RGL3: variants seen among roughly 807,000 people sequenced by gnomAD.
RGL3 encodes the protein ral guanine nucleotide dissociation stimulator-like 3.
In RGL3, 85 loss-of-function variants were observed where a neutral mutation model predicts 90.6. The observed-to-expected ratio is 0.94, with a 90% CI of 0.79 to 1.12. The LOEUF is 1.12. Among genes scored for constraint, RGL3 ranks in the 50% most tolerant of loss-of-function variants. RGL3 has a pLI of 0.00. For missense variants in RGL3, 1,034 were observed against 939.2 expected, an observed-to-expected ratio of 1.10 and a Z score of -1.32; for synonymous variants, 408 against 385.5, an observed-to-expected ratio of 1.06 and a Z score of -0.68.
chr19:11,417,731 A>G (rs1050373431), intron 2 of RGL3, among the ~76,000 whole-genome samples: 10 of 152,050 alleles, frequency 6.6e-5, no homozygotes, highest in African/African-American at 2.4e-4. Context: ...CGGCCTCCCA[A>G]AGTGCTGGGA....
intron 18 of RGL3, among the ~76,000 whole-genome samples, chr19:11,395,498 T>C (rs908587326): frequency 6.6e-6 from 1 of 152,180 alleles, no homozygotes; most frequent in Non-Finnish European, 1.5e-5. Context: ...AACTTAGTTC[T>C]CACAAATCTA....
At chr19:11,404,919 G>C (rs570740452) in intron 9 of RGL3, among the ~76,000 whole-genome samples, 4 of 152,146 alleles carry the variant, frequency 2.6e-5, no homozygotes, top group East Asian at 3.9e-4. Flanking sequence ...GTGACTTCTT[G>C]TGTTTTGCTG....
intron 11 of RGL3, 46 bp downstream of exon 11, chr19:11,402,409 G>C (rs549220029): frequency 2.3e-5 from 37 of 1,578,364 alleles, no homozygotes; most frequent in East Asian, 2.0e-4. Context: ...CATTGTGCTG[G>C]GGGCAAGTGG....
At chr19:11,402,799 G>T in intron 9 of RGL3, 93 bp from the exon 10 acceptor site, 2 of 1,108,250 alleles carry the variant, frequency 1.8e-6, no homozygotes, top group South Asian at 2.8e-5. Context: ...TACCCTTCAT[G>T]CTTTGAGTAA....
Position 11,405,380 on chromosome 19 carries a change from G to C in RGL3, c.1043C>G (p.Ser348Cys). ...RNFSSLRAIL[S>C]ALQSNPIYRL... The stretch of plus-strand genomic sequence containing the variant: ...GTAGATGGGGTTAGATTGCAGGGCG[G>C]ACAGGATGGCGCGCAAGGAGGAGAA... The change falls in exon 8 of 19, where the codon TCC (serine) becomes TGC (cysteine). Residue 348 changes from serine to cysteine, a missense_variant. Coordinates refer to ENST00000380456, the MANE Select transcript of RGL3 (RefSeq NM_001035223.4). 6.2e-7 allele frequency: 1 copy of C among 1,610,190 alleles called. No homozygotes were observed. The highest frequency in any genetic ancestry group is 8.5e-7 in the Non-Finnish European group (1 of 1,178,362).
Position 11,416,103 on chromosome 19 carries a change from C to T in RGL3, c.471G>A (p.Gln157=), listed in dbSNP as rs1318530620. ...VLGSWLQDHP[Q]DFRDHPAHSD... ...AATGGGCAGGGTGGTCTCGGAAATC[C>T]TGAGGGTGGTCCTGCAGCCAGGAGC... Residue 157 remains glutamine, a synonymous_variant, in exon 5 of 19, where the codon CAG becomes CAA. Coordinates refer to ENST00000380456, the MANE Select transcript of RGL3 (RefSeq NM_001035223.4). 1 of 1,602,396 alleles carries T rather than the reference C, an allele frequency of 6.2e-7. No individual in the cohort carries two copies. Among genetic ancestry groups the T allele is most frequent in the Non-Finnish European group, 8.5e-7 (1 of 1,175,052 alleles).
In RGL3 at chr19:11,405,306, G is replaced by A. The variant is rs763959179; in HGVS notation, c.1100+17C>T. The A allele has an allele frequency of 3.1e-6, 5 of 1,612,252 alleles. No homozygotes were observed. Among genetic ancestry groups the A allele is most frequent in the South Asian group, 2.2e-5 (2 of 91,030 alleles). On this transcript the variant is annotated intron_variant, in intron 8 of 18. Coordinates refer to ENST00000380456, the MANE Select transcript of RGL3 (RefSeq NM_001035223.4). ...AGACCTGGGATGGGCTGGGGAACAG[G>A]TCCCGCCCCAGCTCACCGGCTCACT...
intron 13 of RGL3, 34 bp from the exon 14 acceptor site, chr19:11,400,331 G>C: frequency 6.6e-7 from 1 of 1,522,902 alleles, no homozygotes; most frequent in Non-Finnish European, 8.9e-7. Context: ...GGTGGTGGGG[G>C]CAGGAAATAC....
At position 11,400,050 on chromosome 19, in the gene RGL3, G is replaced by C. The variant is rs755024551; in HGVS notation, c.1639C>G (p.Pro547Ala). Residue 547 changes from proline (P) to alanine (A), a missense_variant, in exon 15 of 19, where the codon CCC (proline) becomes GCC (alanine). Transcript: ENST00000380456. The stretch of plus-strand genomic sequence containing the variant: ...AAGCAGAATGCTCACCTGGAGGTGG[G>C]GGATGAGGGGTCCCCGGGACTCCCA... Reference protein sequence around the residue: ...PSGSPGDPSSPTSSVSPGSPP... With the variant: ...PSGSPGDPSSATSSVSPGSPP... 6 of 1,607,298 alleles carry C rather than the reference G, an allele frequency of 3.7e-6. No individual in the cohort carries two copies. The Admixed American group carries it at 5.2e-5, about 14-fold the overall frequency.
chr19:11,407,442 A>G (rs1035380046), intron 5 of RGL3, among the ~76,000 whole-genome samples: 4 of 152,042 alleles, frequency 2.6e-5, no homozygotes, highest in African/African-American at 9.7e-5. Context: ...GCAAAGAACA[A>G]TTTGTCACAC....
In RGL3 at chr19:11,394,407, T is replaced by C. The variant is rs754351711; in HGVS notation, c.2128A>G (p.Ser710Gly). The C allele has an allele frequency of 3.7e-6, 6 of 1,612,518 alleles. No homozygotes were observed. Among genetic ancestry groups the C allele is most frequent in the East Asian group, 2.2e-5 (1 of 44,870 alleles). Residue 710 changes from serine to glycine, a missense_variant, in exon 19 of 19, where the codon AGC (serine) becomes GGC (glycine). Ser to Gly is a moderately conservative substitution (Grantham distance 56, BLOSUM62 0). Transcript: ENST00000380456. Reference sequence around the variant, plus strand: ...GTGGAGAGGACAGGGCTGCCTCAGCTTGGGGAGACAGACAGAGTGTTCCGG... The same window carrying C: ...GTGGAGAGGACAGGGCTGCCTCAGCCTGGGGAGACAGACAGAGTGTTCCGG... ...GTRNTLSVSP[S>G]
Position 11,416,904 on chromosome 19 carries a change from C to T in RGL3, c.303G>A (p.Arg101=). 3 of 1,614,054 alleles carry T rather than the reference C, an allele frequency of 1.9e-6. No individual in the cohort carries two copies. The highest frequency in any genetic ancestry group is 1.3e-5 in the African/African-American group (1 of 74,984). Residue 101 remains arginine (R), a synonymous_variant, in exon 3 of 19, where the codon CGG becomes CGA. Transcript: ENST00000380456. ...GCAGGCAGGCAGTGGGTACAAAGGT[C>T]CGGTAGGTGGCCAGGAAGGCGGGCA... ...SFMPAFLATY[R]TFVPTACLLG... is the part of the protein sequence containing the mutation.
intron 16 of RGL3, among the ~76,000 whole-genome samples, chr19:11,399,187 A>G (rs1968628488): frequency 6.6e-6 from 1 of 151,666 alleles, no homozygotes; most frequent in Non-Finnish European, 1.5e-5. Flanking sequence ...CAATCCTCCC[A>G]CTTTGGCTTC....
chr19:11,404,481 C>T (rs889135538), intron 9 of RGL3, among the ~76,000 whole-genome samples: 8 of 152,120 alleles, frequency 5.3e-5, no homozygotes, highest in African/African-American at 1.2e-4. Flanking sequence ...GAGCCAAGAT[C>T]GTGCCACTGC....
At chr19:11,414,404 T>C (rs988507263) in intron 5 of RGL3, among the ~76,000 whole-genome samples, 9 of 109,348 alleles carry the variant, frequency 8.2e-5, no homozygotes, top group Admixed American at 4.6e-4. Flanking sequence ...TATATACCTT[T>C]ATATATATAT....
chr19:11,416,147 C>A lies in RGL3; in HGVS notation c.427G>T (p.Ala143Ser). The change falls in exon 5 of 19, where the codon GCT (alanine) becomes TCT (serine). Residue 143 changes from alanine to serine, a missense_variant and splice_region_variant. Ala to Ser is a moderately conservative substitution (Grantham distance 99). Coordinates refer to ENST00000380456, the MANE Select transcript of RGL3 (RefSeq NM_001035223.4). ...CAGGAGCCCAGCACTGACACCACAG[C>A]CCTGGCCAGAGAGGCAGGGTCTCAG... Reference protein sequence around the residue: ...QDLSFNKNLRAVVSVLGSWLQ... With the variant: ...QDLSFNKNLRSVVSVLGSWLQ... 1 of 1,545,952 alleles carries A rather than the reference C, an allele frequency of 6.5e-7. No individual in the cohort carries two copies. The highest frequency in any genetic ancestry group is 8.7e-7 in the Non-Finnish European group (1 of 1,149,844).
intron 9 of RGL3, 81 bp from the exon 10 acceptor site, chr19:11,402,787 T>C (rs985262706): frequency 8.3e-7 from 1 of 1,205,400 alleles, no homozygotes; most frequent in South Asian, 1.3e-5. Flanking sequence ...ACCCATCATA[T>C]ATACCCTTCA....
intron 18 of RGL3, among the ~76,000 whole-genome samples, chr19:11,396,152 ATATATATTTTTT>A (rs1568334104): frequency 1.3e-4 from 9 of 66,904 alleles, no homozygotes; most frequent in African/African-American, 6.3e-4. Context: ...ATATATATAT[ATATATATTTTTT>A]TTTTTTTTTT....
chr19:11,414,842 A>C (rs573840181), intron 5 of RGL3, among the ~76,000 whole-genome samples: 2 of 152,134 alleles, frequency 1.3e-5, no homozygotes, highest in South Asian at 4.2e-4. Flanking sequence ...GCCAATAATC[A>C]AGTAAGGAGG....
Sources: gnomAD v4.1 joint callset for allele counts (sites outside exome capture counted in the v4.1 genomes callset) on GRCh38, gnomAD v4.1.1 for gene constraint, MANE v1.5 for transcripts, NCBI Gene and HGNC (gene_info 2026-07-23, HGNC 2026-07-21) for gene names.